TEX2: variants seen among roughly 807,000 people sequenced by gnomAD.
TEX2 encodes the protein testis-expressed protein 2.
TEX2 carries 53 observed loss-of-function variants against 106.9 expected under a neutral mutation model. That is an observed-to-expected ratio of 0.50 (90% CI 0.40 to 0.62). TEX2 has a LOEUF of 0.62. Among genes scored for constraint, TEX2 ranks in the 20% least tolerant of loss-of-function variants. The pLI, the probability that TEX2 is intolerant of heterozygous loss-of-function variation, is 0.00. For synonymous variants in TEX2, 523 were observed against 534.8 expected (o/e 0.98, Z 0.30); for missense variants, 1,207 against 1,379.0 (o/e 0.88, Z 1.98).
At chr17:64,207,885 G>A (rs1286901705) in intron 2 of TEX2, among the ~76,000 whole-genome samples, 7 of 152,008 alleles carry the variant, frequency 4.6e-5, no homozygotes, top group Admixed American at 3.3e-4. Context: ...ACAGGCACCC[G>A]CCACCACGCC....
intron 1 of TEX2, among the ~76,000 whole-genome samples, chr17:64,254,777 T>C (rs2034154241): frequency 6.6e-6 from 1 of 152,208 alleles, no homozygotes; most frequent in Non-Finnish European, 1.5e-5. Context: ...GTAAAATTCA[T>C]TTGCTAAGAA....
intron 1 of TEX2, among the ~76,000 whole-genome samples, chr17:64,227,938 T>C (rs2033552035): frequency 6.6e-6 from 1 of 152,236 alleles, no homozygotes; most frequent in Non-Finnish European, 1.5e-5. Flanking sequence ...ATTTCATGCA[T>C]GATTTTTAAT....
At chr17:64,242,159 G>A (rs1358744496) in intron 1 of TEX2, 4 of 152,194 alleles carry the variant, frequency 2.6e-5, no homozygotes, top group African/African-American at 9.6e-5. Context: ...TAGTTCAGAA[G>A]AGGAATGTTT....
In TEX2 at chr17:64,160,823, C is replaced by A. The variant is rs2030849562; in HGVS notation, c.2782G>T (p.Val928Phe). 11 of 1,614,068 alleles carry A rather than the reference C, an allele frequency of 6.8e-6. No homozygotes were observed. Among genetic ancestry groups the A allele is most frequent in the East Asian group, 2.2e-5 (1 of 44,876 alleles). ...TACCCTTCTTTGCCAATTTCTCCAACCTTCAGGGCTTCAACAAGAGGCTCT... is the reference window on the plus strand; with the variant it reads ...TACCCTTCTTTGCCAATTTCTCCAAACTTCAGGGCTTCAACAAGAGGCTCT... ...GKEPLVEALK[V>F]GEIGKEGCRP... is the part of the protein sequence containing the mutation. The change falls in exon 8 of 12, where the codon GTT becomes TTT. Residue 928 changes from valine (V) to phenylalanine (F), a missense_variant. This residue lies in a region of TEX2 where 1,067 missense variants were observed against 1,193.6 expected (regional missense o/e 0.89). Coordinates refer to ENST00000584379, the MANE Select transcript of TEX2 (RefSeq NM_001288732.2).
chr17:64,229,066 C>A (rs782006017), intron 1 of TEX2, among the ~76,000 whole-genome samples: 1 of 151,464 alleles, frequency 6.6e-6, no homozygotes, highest in Admixed American at 6.6e-5. Flanking sequence ...TTAGAAACAA[C>A]GCTGCCTTTA....
chr17:64,202,886 C>T (rs1555630256), intron 2 of TEX2, among the ~76,000 whole-genome samples: 1 of 152,194 alleles, frequency 6.6e-6, no homozygotes, highest in Non-Finnish European at 1.5e-5. Flanking sequence ...ATGACCCAGT[C>T]AGCCAGGCTG....
At chr17:64,189,854 G>A (rs988361019) in intron 4 of TEX2, among the ~76,000 whole-genome samples, 1 of 151,944 alleles carries the variant, frequency 6.6e-6, no homozygotes, top group Non-Finnish European at 1.5e-5. Flanking sequence ...ATGGTGGCCT[G>A]TACCTGTAGT....
rs566517528 is a variant in TEX2 at position 64,195,001 on chromosome 17, C to G, written c.1739G>C (p.Arg580Thr). The change falls in exon 3 of 12, where the codon AGA becomes ACA. Residue 580 changes from arginine (R) to threonine (T), a missense_variant. Coordinates refer to ENST00000584379, the MANE Select transcript of TEX2 (RefSeq NM_001288732.2). This position sits in a 1 kb window ranked among gnomAD's most constrained non-coding sequence, Gnocchi z 4.1. Reference protein sequence around the residue: ...VFVRLEGGTLRLSKPNKNISR... With the variant: ...VFVRLEGGTLTLSKPNKNISR... ...TATATTTTTATTGGGCTTTGAAAGT[C>G]TTAAGGTTCCACCCTCAAGTCGAAC... 1 of 1,614,116 alleles carries G rather than the reference C, an allele frequency of 6.2e-7. No individual in the cohort carries two copies. The highest frequency in any genetic ancestry group is 8.5e-7 in the Non-Finnish European group (1 of 1,180,008).
At chr17:64,232,195 T>G (rs936648161) in intron 1 of TEX2, among the ~76,000 whole-genome samples, 6 of 152,200 alleles carry the variant, frequency 3.9e-5, no homozygotes, top group African/African-American at 1.4e-4. Flanking sequence ...CTAGGAGGCT[T>G]ATAGAGACTA....
chr17:64,261,920 A>C (rs782659833), intron 1 of TEX2, among the ~76,000 whole-genome samples: 4 of 152,226 alleles, frequency 2.6e-5, no homozygotes, highest in Non-Finnish European at 4.4e-5. Flanking sequence ...TGTGTGACCC[A>C]GCCCTAAAAC....
chr17:64,219,508 C>CAAATCAAATA (rs1555633013), intron 1 of TEX2, among the ~76,000 whole-genome samples: 1 of 134,922 alleles, frequency 7.4e-6, no homozygotes, highest in African/African-American at 2.8e-5. Flanking sequence ...TCCATCTCAT[C>CAAATCAAATA]AAATAAAATA....
intron 8 of TEX2, among the ~76,000 whole-genome samples, chr17:64,158,874 T>C (rs935499842): frequency 2.0e-5 from 3 of 152,144 alleles, no homozygotes; most frequent in Admixed American, 2.0e-4. Flanking sequence ...TAAAAACAAA[T>C]GATAGCCAAC....
intron 5 of TEX2, among the ~76,000 whole-genome samples, chr17:64,183,822 A>C (rs760672681): frequency 4.6e-4 from 70 of 151,110 alleles, no homozygotes; most frequent in Non-Finnish European, 7.4e-4. Flanking sequence ...GTAGAGATGG[A>C]GTTTTGTCAT....
At chr17:64,163,716 T>C (rs2030991415) in intron 7 of TEX2, among the ~76,000 whole-genome samples, 3 of 152,118 alleles carry the variant, frequency 2.0e-5, no homozygotes, top group Admixed American at 2.0e-4. Flanking sequence ...AAAGATGAAA[T>C]TCACAGTTAC....
intron 5 of TEX2, among the ~76,000 whole-genome samples, chr17:64,182,064 T>C (rs187155602): frequency 1.3e-5 from 2 of 152,136 alleles, no homozygotes; most frequent in East Asian, 1.9e-4. Context: ...ATAGCTAAAA[T>C]GTGGAAGCAA....
intron 2 of TEX2, among the ~76,000 whole-genome samples, chr17:64,207,982 C>T (rs1291249656): frequency 2.0e-5 from 3 of 152,178 alleles, no homozygotes; most frequent in Admixed American, 6.5e-5. Flanking sequence ...GATCCACCCG[C>T]CTCAGCCTCC....
intron 7 of TEX2, among the ~76,000 whole-genome samples, chr17:64,170,048 A>G (rs1357824613): frequency 6.6e-6 from 1 of 152,184 alleles, no homozygotes; most frequent in Non-Finnish European, 1.5e-5. Context: ...TTAAAACCGT[A>G]TTTATGGTTT....
At chr17:64,181,989 A>G (rs2031886783) in intron 5 of TEX2, among the ~76,000 whole-genome samples, 1 of 152,108 alleles carries the variant, frequency 6.6e-6, no homozygotes, top group Non-Finnish European at 1.5e-5. Flanking sequence ...TACCCCAACA[A>G]ATTTGAAAGC....
Position 64,184,404 on chromosome 17 carries a change from G to A in TEX2, c.2424+3764C>T, listed in dbSNP as rs570686448. On this transcript the variant is annotated intron_variant, in intron 5 of 11. Transcript: ENST00000584379. ...GGCGTGAGCCACTGCACCCAGCCCC[G>A]TTGCTTAATCTGGTTATTTATCTCT... 2.8e-4 allele frequency among the ~76,000 whole-genome samples: 43 copies of A among 152,186 alleles called. No individual in the cohort carries two copies. The South Asian group carries it at 8.3e-3, about 29-fold the overall frequency.
Sources: gnomAD v4.1 joint callset for allele counts (sites outside exome capture counted in the v4.1 genomes callset) on GRCh38, gnomAD v4.1.1 for gene constraint, gnomAD v4.1.1 regional missense constraint, Gnocchi (gnomAD v3.1) non-coding constraint, MANE v1.5 for transcripts, NCBI Gene and HGNC (gene_info 2026-07-23, HGNC 2026-07-21) for gene names.